The following TTLL5 variants were observed in gnomAD, a reference collection of about 807,000 sequenced individuals.
TTLL5 encodes the protein tubulin polyglutamylase TTLL5.
Under a neutral mutation model 168.4 loss-of-function variants are expected in TTLL5, and 132 were observed. The observed-to-expected ratio is 0.78, with a 90% CI of 0.68 to 0.91. The LOEUF is 0.91. Ranked by LOEUF, TTLL5 falls within the 40% of genes least tolerant of loss-of-function variation. TTLL5 has a pLI of 0.00. For synonymous variants in TTLL5, 546 were observed against 558.6 expected (o/e 0.98, Z 0.32); for missense variants, 1,545 against 1,581.5 (o/e 0.98, Z 0.39).
intron 18 of TTLL5, among the ~76,000 whole-genome samples, chr14:75,759,456 G>A (rs543915732): frequency 3.6e-4 from 55 of 152,196 alleles, no homozygotes; most frequent in Middle Eastern, 6.8e-3. Context: ...TCAAGCATTT[G>A]AGGAATAATA....
intron 30 of TTLL5, among the ~76,000 whole-genome samples, chr14:75,893,836 AAAAAT>A (rs1566649193): frequency 1.7e-5 from 1 of 58,146 alleles, no homozygotes; most frequent in Non-Finnish European, 3.0e-5. Flanking sequence ...AAAAAAAAAA[AAAAAT>A]AGTGAAGGCA....
chr14:75,880,340 G>A (rs2031740544), intron 29 of TTLL5, among the ~76,000 whole-genome samples: 1 of 152,106 alleles, frequency 6.6e-6, no homozygotes, highest in African/African-American at 2.4e-5. Flanking sequence ...TGTCACCGTG[G>A]CAACATTTAT....
chr14:75,870,515 G>C (rs2030941517), intron 29 of TTLL5, among the ~76,000 whole-genome samples: 1 of 152,102 alleles, frequency 6.6e-6, no homozygotes, highest in Admixed American at 6.5e-5. Context: ...TAAGTAATGG[G>C]TTTAGCACCT....
Position 75,663,114 on chromosome 14 carries a change from C to T in TTLL5, c.-36C>T, listed in dbSNP as rs1481512564. On this transcript the variant is annotated 5_prime_UTR_variant, in exon 2 of 32. Coordinates refer to ENST00000298832, the MANE Select transcript of TTLL5 (RefSeq NM_015072.5). ...ATCTGCTAGGAAAGGTCTCTGAGGC[C>T]CCCGTCTGCTGACTGCATGACAAAC... The T allele has an allele frequency of 6.2e-7, 1 of 1,602,786 alleles. No homozygotes were observed.
At chr14:75,834,723 CT>C (rs1895780798) in intron 28 of TTLL5, among the ~76,000 whole-genome samples, 2 of 152,256 alleles carry the variant, frequency 1.3e-5, no homozygotes, top group Admixed American at 1.3e-4. Flanking sequence ...TAGGTCAGGA[CT>C]TTTTCCTTTA....
At chr14:75,698,874 C>T (rs1886055325) in intron 6 of TTLL5, among the ~76,000 whole-genome samples, 1 of 151,434 alleles carries the variant, frequency 6.6e-6, no homozygotes, top group Non-Finnish European at 1.5e-5. Context: ...CACTGCACTC[C>T]AGCCTGGTCA....
At chr14:75,729,632 C>T (rs1281756904) in intron 12 of TTLL5, among the ~76,000 whole-genome samples, 1 of 152,158 alleles carries the variant, frequency 6.6e-6, no homozygotes, top group Non-Finnish European at 1.5e-5. Flanking sequence ...AATGCTGTCA[C>T]ATACCAATAT....
chr14:75,745,209 G>A lies in TTLL5; in HGVS notation c.1395+1G>A. ...TGTGCTTGGTCTGTCAATGGAGGAG[G>A]TAAAGATAAGTTCATTTTAGGCTTT... On this transcript the variant is annotated splice_donor_variant, in intron 16 of 31. Coordinates refer to ENST00000298832, the MANE Select transcript of TTLL5 (RefSeq NM_015072.5). LOFTEE classifies it high-confidence loss of function. 1 of 1,613,700 alleles carries A rather than the reference G, an allele frequency of 6.2e-7. No homozygotes were observed. Among genetic ancestry groups the A allele is most frequent in the Non-Finnish European group, 8.5e-7 (1 of 1,179,728 alleles).
At chr14:75,875,787 T>C (rs929118951) in intron 29 of TTLL5, among the ~76,000 whole-genome samples, 2 of 152,204 alleles carry the variant, frequency 1.3e-5, no homozygotes, top group African/African-American at 4.8e-5. Flanking sequence ...TGTGATTCCG[T>C]GTTTTGTCAG....
At chr14:75,854,149 C>T (rs79177637) in intron 28 of TTLL5, among the ~76,000 whole-genome samples, 1,890 of 152,234 alleles carry the variant, frequency 0.012, 15 homozygotes, top group South Asian at 0.026. Flanking sequence ...ACATACAGAA[C>T]ATTTCCATCA....
At chr14:75,695,848 CCTACCTTCCTCCCG>C (rs1414326892) in intron 6 of TTLL5, among the ~76,000 whole-genome samples, 3 of 134,992 alleles carry the variant, frequency 2.2e-5, no homozygotes, top group Admixed American at 1.5e-4. Context: ...ACTTCCCTCC[CCTACCTTCCTCCCG>C]CTACCTTTCC....
chr14:75,928,597 T>C (rs2034164943), intron 31 of TTLL5, among the ~76,000 whole-genome samples: 1 of 151,742 alleles, frequency 6.6e-6, no homozygotes, highest in South Asian at 2.1e-4. Flanking sequence ...TCTACGATGC[T>C]TATTACACTA....
intron 31 of TTLL5, among the ~76,000 whole-genome samples, chr14:75,906,849 C>T (rs1384388819): frequency 1.3e-5 from 2 of 152,188 alleles, no homozygotes; most frequent in Non-Finnish European, 2.9e-5. Flanking sequence ...CAAAGTTGAG[C>T]TCCAAATAGT....
chr14:75,811,156 A>AGAGT (rs60194482), intron 27 of TTLL5, among the ~76,000 whole-genome samples: 1,783 of 116,538 alleles, frequency 0.015, 25 homozygotes, highest in Middle Eastern at 0.029. Flanking sequence ...TGAAAGAAAG[A>AGAGT]GTGTGTGTGT....
At chr14:75,886,803 GTC>G in intron 30 of TTLL5, 1 of 1,584,770 alleles carries the variant, frequency 6.3e-7, no homozygotes, top group Non-Finnish European at 8.5e-7. Flanking sequence ...CATCTGAACT[GTC>G]TCTTGTAAAT....
At chr14:75,859,621 A>G (rs1897306505) in intron 28 of TTLL5, among the ~76,000 whole-genome samples, 2 of 152,186 alleles carry the variant, frequency 1.3e-5, no homozygotes, top group South Asian at 4.1e-4. Context: ...AAAAACACTA[A>G]ATTTTGGAGA....
chr14:75,850,910 C>T (rs996458054), intron 28 of TTLL5, among the ~76,000 whole-genome samples: 2 of 151,762 alleles, frequency 1.3e-5, no homozygotes, highest in East Asian at 1.9e-4. Context: ...GCCTGGGCAA[C>T]GTAGTGAGAC....
chr14:75,904,916 C>T (rs2033085033), intron 31 of TTLL5, among the ~76,000 whole-genome samples: 1 of 152,186 alleles, frequency 6.6e-6, no homozygotes, highest in Non-Finnish European at 1.5e-5. Flanking sequence ...TTTACCTTCA[C>T]AGCATTAGTA....
At chr14:75,691,142 A>G (rs900235495) in intron 6 of TTLL5, among the ~76,000 whole-genome samples, 1 of 152,216 alleles carries the variant, frequency 6.6e-6, no homozygotes, top group African/African-American at 2.4e-5. Context: ...AAAAAAAAAT[A>G]CACGTAGGAG....
Sources: gnomAD v4.1 joint callset for allele counts (sites outside exome capture counted in the v4.1 genomes callset) on GRCh38, gnomAD v4.1.1 for gene constraint, MANE v1.5 for transcripts, NCBI Gene and HGNC (gene_info 2026-07-23, HGNC 2026-07-21) for gene names.